The following RGS20 variants were observed in gnomAD, a reference collection of about 807,000 sequenced individuals.
RGS20 encodes the protein gz-selective GTPase-activating protein.
Under a neutral mutation model 33.6 loss-of-function variants are expected in RGS20, and 30 were observed. The observed-to-expected ratio is 0.89, with a 90% CI of 0.67 to 1.21. The LOEUF (loss-of-function observed/expected upper bound fraction) is 1.21. RGS20 is among the 50% of genes most tolerant of loss of function. The pLI is 0.00. For synonymous variants in RGS20, 208 were observed against 197.9 expected (o/e 1.05, Z -0.43); for missense variants, 472 against 502.4 (o/e 0.94, Z 0.58).
chr8:53,879,946 C>T, intron 2 of RGS20: 1 of 270,236 alleles, frequency 3.7e-6, no homozygotes, highest in Non-Finnish European at 6.9e-6. Context: ...CTCCCCCAAA[C>T]GCGCCTCCGC....
At chr8:53,863,025 G>A (rs750963372) in intron 1 of RGS20, among the ~76,000 whole-genome samples, 2 of 152,116 alleles carry the variant, frequency 1.3e-5, no homozygotes, top group Non-Finnish European at 1.5e-5. Context: ...TTTCGCTCTT[G>A]TTTCTCAGGC....
chr8:53,862,469 A>G (rs1811830441), intron 1 of RGS20, among the ~76,000 whole-genome samples: 1 of 152,178 alleles, frequency 6.6e-6, no homozygotes, highest in African/African-American at 2.4e-5. Flanking sequence ...TTCTGATCAC[A>G]GAGAAGGTGC....
At chr8:53,880,954 A>G in intron 2 of RGS20, 1 of 1,569,200 alleles carries the variant, frequency 6.4e-7, no homozygotes, top group Non-Finnish European at 8.6e-7. Context: ...GCGGTGAGCA[A>G]TCGCCGACGT....
At chr8:53,919,837 A>G (rs1813594451) in intron 2 of RGS20, among the ~76,000 whole-genome samples, 1 of 151,916 alleles carries the variant, frequency 6.6e-6, no homozygotes, top group Non-Finnish European at 1.5e-5. Context: ...CCATCCTAAC[A>G]GCATTGTCTT....
intron 2 of RGS20, 135 bp downstream of exon 1, chr8:53,881,219 G>C (rs966881040): frequency 2.3e-5 from 15 of 638,734 alleles, no homozygotes; most frequent in Non-Finnish European, 3.2e-5. Flanking sequence ...CTGCGGGGCG[G>C]GAGCCGGTGC....
At chr8:53,911,185 C>G (rs1175523943) in intron 2 of RGS20, among the ~76,000 whole-genome samples, 1 of 152,068 alleles carries the variant, frequency 6.6e-6, no homozygotes, top group Non-Finnish European at 1.5e-5. Flanking sequence ...TATTAAAAAC[C>G]AGCAGTGACT....
At position 53,922,374 on chromosome 8, in the gene RGS20, TTCTA is replaced by T. The variant is rs1298502720; in HGVS notation, c.511-17196_511-17193del. Among the ~76,000 whole-genome samples, 21 of 152,142 alleles carry T rather than the reference TTCTA, an allele frequency of 1.4e-4. No individual in the cohort carries two copies. The East Asian group carries it at 3.9e-3, about 28-fold the overall frequency. On this transcript the variant is annotated intron_variant, in intron 2 of 5. Coordinates refer to ENST00000297313, the MANE Select transcript of RGS20 (RefSeq NM_170587.4). ...ATATATATTTTTCCATCCTTTTACT[TTCTA>T]TCTATTTGCATTTTTGAATCTAAAG... is the stretch of plus-strand genomic sequence containing the variant.
intron 1 of RGS20, among the ~76,000 whole-genome samples, chr8:53,870,638 T>G (rs1199188798): frequency 6.6e-6 from 1 of 152,148 alleles, no homozygotes; most frequent in Non-Finnish European, 1.5e-5. Context: ...TTCTAGGCTT[T>G]CCTCCTTGGT....
At chr8:53,928,957 G>A (rs1453848388) in intron 2 of RGS20, among the ~76,000 whole-genome samples, 1 of 152,154 alleles carries the variant, frequency 6.6e-6, no homozygotes, top group Non-Finnish European at 1.5e-5. Flanking sequence ...CCATACAGTG[G>A]AATCCTGCTC....
In RGS20 at chr8:53,958,390, C is replaced by T. The variant is rs1406467109; in HGVS notation, c.1099C>T (p.Arg367Ter). The change falls in exon 6 of 6, where the codon CGA becomes TGA. Residue 367 changes from arginine (R) to a stop codon, truncating the protein, a stop_gained. Transcript: ENST00000297313. LOFTEE classifies it high-confidence loss of function. ...CCTGATGCACAGAGACTCATATCCTCGATTCATGAACTCTGCTGTCTATAA... is the reference window on the plus strand; with the variant it reads ...CCTGATGCACAGAGACTCATATCCTTGATTCATGAACTCTGCTGTCTATAA... The T allele has an allele frequency of 8.7e-6, 14 of 1,613,198 alleles. No individual in the cohort carries two copies. Among genetic ancestry groups the T allele is most frequent in the Non-Finnish European group, 1.1e-5 (13 of 1,179,488 alleles).
intron 2 of RGS20, chr8:53,879,837 TC>T: frequency 2.3e-6 from 1 of 432,540 alleles, no homozygotes; most frequent in Non-Finnish European, 4.0e-6. Context: ...CTGGGCCATT[TC>T]CTTTCCATGG....
intron 2 of RGS20, among the ~76,000 whole-genome samples, chr8:53,884,160 A>G (rs1199994782): frequency 6.6e-6 from 1 of 151,216 alleles, no homozygotes; most frequent in Non-Finnish European, 1.5e-5. Flanking sequence ...ATAATGAAAC[A>G]CATGTCCATC....
At position 53,954,104 on chromosome 8, in the gene RGS20, G is replaced by A. The variant is rs142728479; in HGVS notation, c.772G>A (p.Ala258Thr). ...TGCTCCTACTCTGGAAGAAGTCAAC[G>A]CCTGGGCTCAGTCATTTGACAAATT... The change falls in exon 5 of 6, where the codon GCC becomes ACC. Residue 258 changes from alanine (A) to threonine (T), a missense_variant. This residue lies in a region of RGS20 where 125 missense variants were observed against 169.5 expected (regional missense o/e 0.74). Transcript: ENST00000297313. The A allele has an allele frequency of 5.3e-5, 86 of 1,613,902 alleles. No individual in the cohort carries two copies. The highest frequency in any genetic ancestry group is 6.7e-5 in the East Asian group (3 of 44,872).
chr8:53,863,122 G>A (rs1296283913), intron 1 of RGS20, among the ~76,000 whole-genome samples: 1 of 152,118 alleles, frequency 6.6e-6, no homozygotes, highest in Admixed American at 6.5e-5. Context: ...CGAGTAGCTG[G>A]GATTACAGGC....
chr8:53,916,879 C>A (rs1344423024), intron 2 of RGS20, among the ~76,000 whole-genome samples: 1 of 152,118 alleles, frequency 6.6e-6, no homozygotes, highest in Non-Finnish European at 1.5e-5. Context: ...ACTGTCTTCT[C>A]ACCGCACCCT....
At chr8:53,894,245 AC>A (rs1293615841) in intron 2 of RGS20, among the ~76,000 whole-genome samples, 1 of 152,182 alleles carries the variant, frequency 6.6e-6, no homozygotes, top group East Asian at 1.9e-4. Context: ...TAACCACTGA[AC>A]ATTTCAAGTC....
rs1027044389 is a variant in RGS20, at chr8:53,879,554, C to T, written c.462C>T (p.Ala154=). The T allele has an allele frequency of 3.2e-6, 5 of 1,541,970 alleles. No homozygotes were observed. The highest frequency in any genetic ancestry group is 2.8e-5 in the African/African-American group (2 of 71,816). ...CGCTGAGGCCCCCCCATCCGGTAGCCAAGCCCAGGGAAGAAGACGCCACCG... is the reference window on the plus strand; with the variant it reads ...CGCTGAGGCCCCCCCATCCGGTAGCTAAGCCCAGGGAAGAAGACGCCACCG... The change falls in exon 2 of 6, where the codon GCC becomes GCT. Residue 154 remains alanine (A), a synonymous_variant. Coordinates refer to ENST00000297313, the MANE Select transcript of RGS20 (RefSeq NM_170587.4).
chr8:53,885,166 C>A (rs567283755), intron 2 of RGS20, among the ~76,000 whole-genome samples: 1 of 152,268 alleles, frequency 6.6e-6, no homozygotes, highest in African/African-American at 2.4e-5. Flanking sequence ...AATGCAGTAG[C>A]CTGTAACTGG....
At chr8:53,899,112 C>T (rs1405699438) in intron 2 of RGS20, among the ~76,000 whole-genome samples, 1 of 152,228 alleles carries the variant, frequency 6.6e-6, no homozygotes, top group Non-Finnish European at 1.5e-5. Flanking sequence ...AACTACAATG[C>T]TGTGCGATGC....
Sources: allele counts gnomAD v4.1 joint callset (sites outside exome capture counted in the v4.1 genomes callset), GRCh38; gene constraint gnomAD v4.1.1; regional missense constraint gnomAD v4.1.1; transcripts MANE v1.5; gene names NCBI Gene and HGNC (gene_info 2026-07-23, HGNC 2026-07-21).